PCDH15: variants seen among roughly 807,000 people sequenced by gnomAD.
The protein encoded by PCDH15 is protocadherin-15.
PCDH15 carries 129 observed loss-of-function variants against 178.5 expected under a neutral mutation model. The observed-to-expected ratio is 0.72, with a 90% CI of 0.63 to 0.84. The LOEUF is 0.84. Among genes scored for constraint, PCDH15 ranks in the 40% least tolerant of loss-of-function variants. PCDH15 has a pLI of 0.00. For synonymous variants in PCDH15, 800 were observed against 732.0 expected (o/e 1.09, Z -1.50); for missense variants, 2,230 against 2,099.9 (o/e 1.06, Z -1.21).
At chr10:54,483,484 G>T (rs2078868840) in intron 3 of PCDH15, among the ~76,000 whole-genome samples, 1 of 151,768 alleles carries the variant, frequency 6.6e-6, no homozygotes, top group Non-Finnish European at 1.5e-5. Flanking sequence ...GATAATGTCA[G>T]CTCCTAATAC....
At chr10:55,601,367 G>T (rs569014692) in intron 2 of PCDH15, among the ~76,000 whole-genome samples, 1 of 152,288 alleles carries the variant, frequency 6.6e-6, no homozygotes, top group South Asian at 2.1e-4. Context: ...TGATAAAAAC[G>T]AGGTAATCAA....
chr10:55,199,517 C>T (rs1424286636), intron 1 of PCDH15, among the ~76,000 whole-genome samples: 1 of 151,836 alleles, frequency 6.6e-6, no homozygotes, highest in East Asian at 1.9e-4. Context: ...TGCAGCCTGA[C>T]CACGTGGAAG....
rs73256022 is a variant in PCDH15, at chr10:54,847,681, T to C, written c.-29+49769A>G. Among the ~76,000 whole-genome samples the C allele has an allele frequency of 3.8e-3, 574 of 152,314 alleles. 2 individuals carry two copies. The highest frequency in any genetic ancestry group is 0.013 in the African/African-American group (552 of 41,558). On this transcript the variant is annotated intron_variant, in intron 3 of 5. Transcript: ENST00000458638. ...AAATTGTATTAATTTTTACTCTACT[T>C]ACAAATTAAATTTGATTTAAGCCAA... is the stretch of plus-strand genomic sequence containing the variant.
At chr10:54,376,641 A>G (rs930803309) in intron 4 of PCDH15, among the ~76,000 whole-genome samples, 5 of 151,724 alleles carry the variant, frequency 3.3e-5, no homozygotes, top group Admixed American at 2.6e-4. Flanking sequence ...AAATAATGTT[A>G]AAACAATAAA....
intron 2 of PCDH15, among the ~76,000 whole-genome samples, chr10:54,929,120 T>C (rs1837703354): frequency 6.6e-6 from 1 of 152,314 alleles, no homozygotes; most frequent in African/African-American, 2.4e-5. Context: ...TTTTATCCTA[T>C]TTGATGACCA....
chr10:54,327,357 G>A (rs1025293539), intron 7 of PCDH15, among the ~76,000 whole-genome samples: 52 of 150,732 alleles, frequency 3.4e-4, no homozygotes, highest in African/African-American at 1.1e-3. Flanking sequence ...CATATCTACA[G>A]TTTTCACTCT....
chr10:54,843,365 C>T (rs1953451917), intron 3 of PCDH15, among the ~76,000 whole-genome samples: 1 of 151,918 alleles, frequency 6.6e-6, no homozygotes, highest in South Asian at 2.1e-4. Context: ...ACTTCTGGGT[C>T]AGAATATTAA....
chr10:54,523,908 G>C (rs919758988), intron 3 of PCDH15, among the ~76,000 whole-genome samples: 1 of 152,118 alleles, frequency 6.6e-6, no homozygotes, highest in Admixed American at 6.6e-5. Context: ...GAGAAGAAAG[G>C]CCTTAAAGAC....
chr10:54,275,455 G>A (rs1010571264), intron 8 of PCDH15, among the ~76,000 whole-genome samples: 13 of 151,750 alleles, frequency 8.6e-5, no homozygotes, highest in African/African-American at 3.1e-4. Flanking sequence ...TAGATCCAGA[G>A]TATTTCTTGT....
At chr10:54,797,000 C>T (rs1381687262) in intron 1 of PCDH15, among the ~76,000 whole-genome samples, 1 of 152,010 alleles carries the variant, frequency 6.6e-6, no homozygotes, top group African/African-American at 2.4e-5. Flanking sequence ...CATTCTGACA[C>T]CTCCATGAAA....
At chr10:54,832,174 T>C (rs1033384424) in intron 3 of PCDH15, among the ~76,000 whole-genome samples, 1 of 152,096 alleles carries the variant, frequency 6.6e-6, no homozygotes, top group South Asian at 2.1e-4. Context: ...GATGTCCCTG[T>C]CGGCTGTTAA....
At chr10:54,752,610 T>G (rs544551170) in intron 1 of PCDH15, among the ~76,000 whole-genome samples, 1 of 152,038 alleles carries the variant, frequency 6.6e-6, no homozygotes, top group South Asian at 2.1e-4. Flanking sequence ...AATCCCTGCA[T>G]GAATATATTC....
intron 1 of PCDH15, among the ~76,000 whole-genome samples, chr10:54,697,667 G>GAA (rs58713016): frequency 4.9e-4 from 39 of 79,246 alleles, no homozygotes; most frequent in African/African-American, 1.3e-3. Context: ...GAAGGGGAAG[G>GAA]GGGAAGGGGA....
chr10:55,006,188 C>T (rs1348309186), intron 2 of PCDH15, among the ~76,000 whole-genome samples: 1 of 151,990 alleles, frequency 6.6e-6, no homozygotes, highest in African/African-American at 2.4e-5. Context: ...TAATAGATCA[C>T]TCAATTTATA....
chr10:54,621,847 A>G (rs1482933422), intron 2 of PCDH15, among the ~76,000 whole-genome samples: 1 of 152,050 alleles, frequency 6.6e-6, no homozygotes, highest in African/African-American at 2.4e-5. Context: ...AAGAAAATGA[A>G]ACGGTATTTG....
intron 3 of PCDH15, among the ~76,000 whole-genome samples, chr10:54,853,433 A>G (rs994990924): frequency 9.9e-5 from 14 of 141,468 alleles, no homozygotes; most frequent in Admixed American, 5.1e-4. Context: ...ATATATATAC[A>G]CATACACATA....
intron 2 of PCDH15, among the ~76,000 whole-genome samples, chr10:55,007,102 A>G (rs543638770): frequency 6.6e-6 from 1 of 152,192 alleles, no homozygotes; most frequent in South Asian, 2.1e-4. Flanking sequence ...ATCTTCCACT[A>G]TAATCTTAAG....
At chr10:54,165,913 G>C (rs769943401) in intron 13 of PCDH15, among the ~76,000 whole-genome samples, 1 of 152,138 alleles carries the variant, frequency 6.6e-6, no homozygotes, top group East Asian at 1.9e-4. Context: ...TCTAGGAAAG[G>C]AGATGAGAGA....
chr10:54,865,515 T>A (rs1953923640), intron 3 of PCDH15, among the ~76,000 whole-genome samples: 1 of 152,136 alleles, frequency 6.6e-6, no homozygotes, highest in African/African-American at 2.4e-5. Flanking sequence ...TTTAATCATA[T>A]GAGTTAAGTA....
Sources: allele counts gnomAD v4.1 joint callset (sites outside exome capture counted in the v4.1 genomes callset), GRCh38; gene constraint gnomAD v4.1.1; transcripts MANE v1.5; gene names NCBI Gene and HGNC (gene_info 2026-07-23, HGNC 2026-07-21).